ZNF462: variants seen among roughly 807,000 people sequenced by gnomAD.
The protein encoded by ZNF462 is zinc finger PBX1-interacting protein.
A neutral mutation model predicts 201.9 loss-of-function variants in ZNF462; 10 were observed. That is an observed-to-expected ratio of 0.05 (90% CI 0.03 to 0.08). ZNF462 has a LOEUF of 0.08. Ranked by LOEUF, ZNF462 falls within the 10% of genes least tolerant of loss-of-function variation. The pLI is 1.00. For synonymous variants in ZNF462, 1,227 were observed against 1,193.3 expected (o/e 1.03, Z -0.58); for missense variants, 2,523 against 3,168.3 (o/e 0.80, Z 4.89).
At chr9:106,987,723 A>G (rs1311342249) in intron 10 of ZNF462, among the ~76,000 whole-genome samples, 2 of 152,180 alleles carry the variant, frequency 1.3e-5, no homozygotes, top group Admixed American at 6.5e-5. Flanking sequence ...GTTCTTGGTC[A>G]TGAAGTCCTT....
At chr9:106,952,875 T>C (rs1831412565) in intron 7 of ZNF462, among the ~76,000 whole-genome samples, 4 of 152,158 alleles carry the variant, frequency 2.6e-5, no homozygotes, top group Admixed American at 6.5e-5. Context: ...TTAAGCAAGT[T>C]AAGTGGTGTG....
At position 106,962,332 on chromosome 9, in the gene ZNF462, A is replaced by G. The variant is rs996084333; in HGVS notation, c.6428-9673A>G. ...AAAGAGAGAAATGAATCAAGGATTT[A>G]TTCTGATTTCATTGACTGGGTGAAT... On this transcript the variant is annotated intron_variant, in intron 7 of 12. Transcript: ENST00000277225. The surrounding 1 kb of genome is among the most constrained non-coding windows in gnomAD (Gnocchi z 4.6). 6.6e-6 allele frequency among the ~76,000 whole-genome samples: 1 copy of G among 152,080 alleles called. No homozygotes were observed. Among genetic ancestry groups the G allele is most frequent in the Non-Finnish European group, 1.5e-5 (1 of 67,972 alleles).
intron 1 of ZNF462, among the ~76,000 whole-genome samples, chr9:106,907,734 A>C (rs1018406644): frequency 6.6e-6 from 1 of 151,986 alleles, no homozygotes; most frequent in Non-Finnish European, 1.5e-5. Flanking sequence ...GTTTGTTTTT[A>C]ATGTAGTCAA....
intron 7 of ZNF462, among the ~76,000 whole-genome samples, chr9:106,943,164 A>C (rs1034418807): frequency 6.6e-6 from 1 of 151,816 alleles, no homozygotes; most frequent in Admixed American, 6.6e-5. Flanking sequence ...CTCCATTTAT[A>C]ATATAGAACT....
intron 1 of ZNF462, among the ~76,000 whole-genome samples, chr9:106,889,710 C>T (rs1828490700): frequency 6.6e-6 from 1 of 152,130 alleles, no homozygotes. Flanking sequence ...GTTGGCTCTA[C>T]AGAAATGAAA....
chr9:106,976,093 G>A (rs1182047661), intron 9 of ZNF462: 4 of 152,168 alleles, frequency 2.6e-5, no homozygotes, highest in Non-Finnish European at 4.4e-5. Context: ...TCTTAAAGAC[G>A]TGTGTGCCGA....
At position 106,925,540 on chromosome 9, in the gene ZNF462, C is replaced by T. The variant is rs200349681; in HGVS notation, c.1628C>T (p.Pro543Leu). Reference sequence around the variant, plus strand: ...GATCCCTTGCAGCAGCAACAGCCACCGCAGCCACCACCACCGCCGCCGCCA... The same window carrying T: ...GATCCCTTGCAGCAGCAACAGCCACTGCAGCCACCACCACCGCCGCCGCCA... Reference protein sequence around the residue: ...MLDPLQQQQPPQPPPPPPPPP... With the variant: ...MLDPLQQQQPLQPPPPPPPPP... Residue 543 changes from proline (P) to leucine (L), a missense_variant, in exon 3 of 13, where the codon CCG (proline) becomes CTG (leucine). By Grantham distance (98) the Pro-to-Leu change is moderately conservative. Transcript: ENST00000277225. The surrounding 1 kb of genome is among the most constrained non-coding windows in gnomAD (Gnocchi z 7.9). The T allele has an allele frequency of 2.1e-4, 334 of 1,613,308 alleles. 2 individuals are homozygous for T. The East Asian group carries it at 6.3e-3, about 31-fold the overall frequency.
chr9:106,870,128 C>T lies in ZNF462; in HGVS notation c.-31+6773C>T, dbSNP rs1016312984. 1.3e-5 allele frequency among the ~76,000 whole-genome samples: 2 copies of T among 152,178 alleles called. No individual in the cohort carries two copies. Among genetic ancestry groups the T allele is most frequent in the African/African-American group, 2.4e-5 (1 of 41,440 alleles). On this transcript the variant is annotated intron_variant, in intron 1 of 12. Transcript: ENST00000277225. The surrounding 1 kb of genome is among the most constrained non-coding windows in gnomAD (Gnocchi z 4.3). ...ATTCCAACACAAAGTTAATTATTTT[C>T]ACGGCTTAGAAGGACAAAGGATAGA...
At chr9:106,892,724 A>G (rs946390025) in intron 1 of ZNF462, among the ~76,000 whole-genome samples, 1 of 151,642 alleles carries the variant, frequency 6.6e-6, no homozygotes, top group Non-Finnish European at 1.5e-5. Context: ...ACACACACAC[A>G]CATGTTATGC....
At chr9:106,994,723 G>A (rs1828566911) in intron 10 of ZNF462, among the ~76,000 whole-genome samples, 1 of 152,076 alleles carries the variant, frequency 6.6e-6, no homozygotes, top group African/African-American at 2.4e-5. Context: ...AGGTGTGACC[G>A]TTTTTCAGAG....
chr9:106,872,977 T>G lies in ZNF462; in HGVS notation c.-31+9622T>G, dbSNP rs1008141813. ...CTGAGGTTTAGGGAGGTAAAGTAAT[T>G]TAGCCAAAGTCATGAGGCTGCAAAG... On this transcript the variant is annotated intron_variant, in intron 1 of 12. Coordinates refer to ENST00000277225, the MANE Select transcript of ZNF462 (RefSeq NM_021224.6). This position sits in a 1 kb window ranked among gnomAD's most constrained non-coding sequence, Gnocchi z 4.5. 6.6e-6 allele frequency among the ~76,000 whole-genome samples: 1 copy of G among 152,156 alleles called. No homozygotes were observed. Among genetic ancestry groups the G allele is most frequent in the African/African-American group, 2.4e-5 (1 of 41,420 alleles).
intron 10 of ZNF462, among the ~76,000 whole-genome samples, chr9:106,989,582 T>G (rs1828109030): frequency 6.6e-6 from 1 of 152,118 alleles, no homozygotes; most frequent in Non-Finnish European, 1.5e-5. Context: ...TCCCTCTTTC[T>G]CTATCTTGTG....
chr9:106,896,804 T>C (rs377623417), intron 1 of ZNF462, among the ~76,000 whole-genome samples: 63 of 152,334 alleles, frequency 4.1e-4, no homozygotes, highest in African/African-American at 1.4e-3. Flanking sequence ...TCACAAGGCA[T>C]TGACATTTGG....
rs148276589 is a variant in ZNF462 at position 106,932,341 on chromosome 9, C to T, written c.6013-105C>T. On this transcript the variant is annotated intron_variant, in intron 4 of 12. Coordinates refer to ENST00000277225, the MANE Select transcript of ZNF462 (RefSeq NM_021224.6). The surrounding 1 kb of genome is among the most constrained non-coding windows in gnomAD (Gnocchi z 6.8). The stretch of plus-strand genomic sequence containing the variant: ...AGACGCCAGTGGCGCCCTGGTGGGC[C>T]GGGTGGATGGTGAACACTGCTTGCT... 14 of 1,571,198 alleles carry T rather than the reference C, an allele frequency of 8.9e-6. No individual in the cohort carries two copies. The highest frequency in any genetic ancestry group is 6.8e-5 in the African/African-American group (5 of 73,784).
chr9:106,918,439 C>T (rs1829866567), intron 1 of ZNF462, among the ~76,000 whole-genome samples: 1 of 151,996 alleles, frequency 6.6e-6, no homozygotes, highest in Non-Finnish European at 1.5e-5. Context: ...ACTGCTGTTC[C>T]TGAAAGAGAT....
Position 106,993,747 on chromosome 9 carries a change from A to G in ZNF462, c.7056+9338A>G, listed in dbSNP as rs999819995. On this transcript the variant is annotated intron_variant, in intron 10 of 12. Coordinates refer to ENST00000277225, the MANE Select transcript of ZNF462 (RefSeq NM_021224.6). This position sits in a 1 kb window ranked among gnomAD's most constrained non-coding sequence, Gnocchi z 4.0. ...GCAATACTGTTGAAAGATGAAGACA[A>G]CATTTTTTCTTTTTTGAGTCAGGGT... Among the ~76,000 whole-genome samples, 2 of 151,866 alleles carry G rather than the reference A, an allele frequency of 1.3e-5. No homozygotes were observed. The highest frequency in any genetic ancestry group is 4.8e-5 in the African/African-American group (2 of 41,342).
rs1434641699 is a variant in ZNF462 at position 106,870,265 on chromosome 9, G to T, written c.-31+6910G>T. On this transcript the variant is annotated intron_variant, in intron 1 of 12. Transcript: ENST00000277225. The surrounding 1 kb of genome is among the most constrained non-coding windows in gnomAD (Gnocchi z 4.3). ...AAGCATTCTTGCCTAATTCCTAGCTGGAGACATTTTTTCTTGAGTTATTCT... is the reference window on the plus strand; with the variant it reads ...AAGCATTCTTGCCTAATTCCTAGCTTGAGACATTTTTTCTTGAGTTATTCT... Among the ~76,000 whole-genome samples the T allele has an allele frequency of 6.6e-6, 1 of 152,132 alleles. No homozygotes were observed. The highest frequency in any genetic ancestry group is 2.4e-5 in the African/African-American group (1 of 41,444).
At chr9:106,942,171 C>T (rs974465025) in intron 7 of ZNF462, among the ~76,000 whole-genome samples, 1 of 152,202 alleles carries the variant, frequency 6.6e-6, no homozygotes, top group Non-Finnish European at 1.5e-5. Flanking sequence ...GTGAATAAAA[C>T]AAGTTGACAT....
intron 7 of ZNF462, among the ~76,000 whole-genome samples, chr9:106,965,012 T>A (rs1832006871): frequency 1.3e-5 from 2 of 152,132 alleles, no homozygotes; most frequent in South Asian, 4.2e-4. Flanking sequence ...AAGGAGGACT[T>A]GTAAATGTAA....
Sources: allele counts gnomAD v4.1 joint callset (sites outside exome capture counted in the v4.1 genomes callset), GRCh38; gene constraint gnomAD v4.1.1; non-coding constraint Gnocchi (gnomAD v3.1); transcripts MANE v1.5; gene names NCBI Gene and HGNC (gene_info 2026-07-23, HGNC 2026-07-21).